The following MCF2L2 variants were observed in gnomAD, a reference collection of about 807,000 sequenced individuals.
MCF2L2 encodes MCF.2 cell line derived transforming sequence-like 2.
A neutral mutation model predicts 150.2 loss-of-function variants in MCF2L2; 102 were observed. The observed-to-expected ratio is 0.68, with a 90% CI of 0.58 to 0.80. The LOEUF (loss-of-function observed/expected upper bound fraction) is 0.80. Among genes scored for constraint, MCF2L2 ranks in the 30% least tolerant of loss-of-function variants. The pLI, the probability that MCF2L2 is intolerant of heterozygous loss-of-function variation, is 0.00. For missense variants in MCF2L2, 1,256 were observed against 1,372.8 expected (o/e 0.91, Z 1.34); for synonymous variants, 465 against 491.3 (o/e 0.95, Z 0.71).
chr3:183,396,490 T>C (rs2108606759), intron 1 of MCF2L2, among the ~76,000 whole-genome samples: 1 of 152,346 alleles, frequency 6.6e-6, no homozygotes, highest in South Asian at 2.1e-4. Flanking sequence ...AAGTTTGAAC[T>C]TGTTAAACAC....
At chr3:183,228,039 A>ACACACACACACACACACACG in intron 18 of MCF2L2, 1 of 445,324 alleles carries the variant, frequency 2.2e-6, no homozygotes, top group South Asian at 2.9e-5. Context: ...ACACACACAC[A>ACACACACACACACACACACG]CACACACAAT....
In MCF2L2 at chr3:183,229,716, G is replaced by A; in HGVS notation, c.1995C>T (p.Asn665=). 1.2e-6 allele frequency: 2 copies of A among 1,603,784 alleles called. No homozygotes were observed. Among genetic ancestry groups the A allele is most frequent in the Non-Finnish European group, 1.7e-6 (2 of 1,172,398 alleles). Residue 665 remains asparagine, a synonymous_variant, in exon 17 of 30, where the codon AAC becomes AAT. Transcript: ENST00000328913. ...TAATATTCCCAAAGAGAAAGTCCTT[G>A]TTATTCTGAAGAACATCTGGAATTA... ...KHLIPDVLQN[N]KDFLFGNIRE... is the part of the protein sequence containing the mutation.
Position 183,179,582 on chromosome 3 carries a change from C to T in MCF2L2, c.3216G>A (p.Glu1072=). Residue 1072 remains glutamate, a synonymous_variant, in exon 29 of 30, where the codon GAG becomes GAA. Transcript: ENST00000328913. The surrounding 1 kb of genome is among the most constrained non-coding windows in gnomAD (Gnocchi z 4.2). ...SQGEKEERDE[E]ETATRSTEEE... ...CTTTCCTCGCTCACACTCACGTTTC[C>T]TCCTCATCGCGTTCTTCTTTTTCTC... The T allele has an allele frequency of 6.2e-7, 1 of 1,614,098 alleles. No homozygotes were observed. The highest frequency in any genetic ancestry group is 8.5e-7 in the Non-Finnish European group (1 of 1,179,936).
intron 11 of MCF2L2, chr3:183,298,765 G>GCGCGCGCGCACACACACACACACCCA: frequency 7.2e-6 from 1 of 138,500 alleles, no homozygotes. Context: ...AAACACACAT[G>GCGCGCGCGCACACACACACACACCCA]CACACACACA....
intron 15 of MCF2L2, among the ~76,000 whole-genome samples, chr3:183,276,401 TA>T (rs1727156616): frequency 1.3e-5 from 2 of 152,222 alleles, no homozygotes; most frequent in Non-Finnish European, 2.9e-5. Flanking sequence ...TGAGTATAAA[TA>T]TTTTTTTAAA....
At chr3:183,404,713 A>G (rs904591482) in intron 1 of MCF2L2, among the ~76,000 whole-genome samples, 1 of 152,284 alleles carries the variant, frequency 6.6e-6, no homozygotes, top group Non-Finnish European at 1.5e-5. Context: ...ATACAAAAAA[A>G]TTAGCCGGGC....
intron 15 of MCF2L2, among the ~76,000 whole-genome samples, chr3:183,232,888 T>C (rs1336882298): frequency 1.3e-5 from 2 of 152,240 alleles, no homozygotes; most frequent in Non-Finnish European, 2.9e-5. Context: ...ATGTGTAAAT[T>C]TGTGCAAGCT....
chr3:183,336,135 C>A (rs1039756237), intron 5 of MCF2L2, among the ~76,000 whole-genome samples: 2 of 152,058 alleles, frequency 1.3e-5, no homozygotes, highest in Non-Finnish European at 2.9e-5. Context: ...GCGGCACGAA[C>A]AAACTAAGGT....
chr3:183,205,223 A>G (rs972981260), intron 25 of MCF2L2, among the ~76,000 whole-genome samples: 18 of 152,114 alleles, frequency 1.2e-4, no homozygotes, highest in African/African-American at 4.1e-4. Context: ...TACTACAAAC[A>G]CACAAATTAG....
intron 27 of MCF2L2, among the ~76,000 whole-genome samples, chr3:183,189,897 A>G (rs1721819306): frequency 6.6e-6 from 1 of 152,138 alleles, no homozygotes; most frequent in Non-Finnish European, 1.5e-5. Flanking sequence ...TGACTCATCT[A>G]CTGGCACTAG....
At chr3:183,366,590 G>A (rs1369452430) in intron 3 of MCF2L2, among the ~76,000 whole-genome samples, 1 of 152,068 alleles carries the variant, frequency 6.6e-6, no homozygotes, top group Non-Finnish European at 1.5e-5. Flanking sequence ...AGGCTGCAGT[G>A]AGCCGAGATC....
intron 1 of MCF2L2, among the ~76,000 whole-genome samples, chr3:183,415,042 G>C (rs1715516013): frequency 6.6e-6 from 1 of 152,138 alleles, no homozygotes; most frequent in Non-Finnish European, 1.5e-5. Flanking sequence ...TGCTGTTGTT[G>C]AATGGAGTAT....
At chr3:183,193,143 C>G in intron 26 of MCF2L2, 47 bp from the exon 27 acceptor site, 2 of 1,473,422 alleles carry the variant, frequency 1.4e-6, no homozygotes, top group Non-Finnish European at 1.9e-6. Context: ...AGGAATGACA[C>G]ACGCATCCCT....
intron 3 of MCF2L2, among the ~76,000 whole-genome samples, chr3:183,346,741 A>C (rs1415127838): frequency 6.6e-6 from 1 of 152,232 alleles, no homozygotes; most frequent in Non-Finnish European, 1.5e-5. Context: ...ATGTGCAAAA[A>C]TCATAAGCAT....
chr3:183,201,197 A>G (rs1722268338), intron 25 of MCF2L2, among the ~76,000 whole-genome samples: 1 of 152,212 alleles, frequency 6.6e-6, no homozygotes, highest in Admixed American at 6.5e-5. Context: ...ATGGCATTGA[A>G]TCTATAAATT....
Position 183,318,916 on chromosome 3 carries a change from C to T in MCF2L2, c.604-699G>A, listed in dbSNP as rs545769114. ...TTTTTGCTGCCGGAGGGTCTTGCCT[C>T]AATGTGGATGGCTGCTGACTGATCA... On this transcript the variant is annotated intron_variant, in intron 6 of 29. Transcript: ENST00000328913. Among the ~76,000 whole-genome samples the T allele has an allele frequency of 2.6e-5, 4 of 152,332 alleles. No individual in the cohort carries two copies. In the South Asian group the frequency reaches 8.3e-4, roughly 32 times the overall value.
At chr3:183,411,879 AC>A (rs1279470246) in intron 1 of MCF2L2, among the ~76,000 whole-genome samples, 1 of 152,172 alleles carries the variant, frequency 6.6e-6, no homozygotes, top group Admixed American at 6.5e-5. Flanking sequence ...AAACTTTGAG[AC>A]CCAGTTTTCT....
Position 183,389,651 on chromosome 3 carries a change from AC to A in MCF2L2, c.160+44del, listed in dbSNP as rs373935373. The A allele has an allele frequency of 1.5e-3, 2,286 of 1,510,220 alleles. 23 individuals are homozygous for A. The African/African-American group carries it at 0.028, about 19-fold the overall frequency. 93.6% of individuals were successfully genotyped at this position (1,510,220 alleles called of 1,614,324 possible). On this transcript the variant is annotated intron_variant, in intron 2 of 29. Coordinates refer to ENST00000328913, the MANE Select transcript of MCF2L2 (RefSeq NM_015078.4). Reference sequence around the variant, plus strand: ...CAAGAGGCTGGACCTTCCCATCAAGACCCCCCCATCAAAATCTGGAAATGCA... The same window carrying A: ...CAAGAGGCTGGACCTTCCCATCAAGACCCCCCATCAAAATCTGGAAATGCA...
chr3:183,280,418 G>GT lies in MCF2L2; in HGVS notation c.1777-3462dup, dbSNP rs145769230. 7.0e-3 allele frequency among the ~76,000 whole-genome samples: 1,034 copies of GT among 148,720 alleles called. 9 individuals are homozygous for GT. Among genetic ancestry groups the GT allele is most frequent in the African/African-American group, 0.013 (532 of 40,584 alleles). The stretch of plus-strand genomic sequence containing the variant: ...TGATTTTCAATCGATTATTGAAATT[G>GT]TTTTTTTTTTCTTCCCTAAAGGGGA... On this transcript the variant is annotated intron_variant, in intron 14 of 29. Coordinates refer to ENST00000328913, the MANE Select transcript of MCF2L2 (RefSeq NM_015078.4).
Sources: gnomAD v4.1 joint callset for allele counts (sites outside exome capture counted in the v4.1 genomes callset) on GRCh38, gnomAD v4.1.1 for gene constraint, Gnocchi (gnomAD v3.1) non-coding constraint, MANE v1.5 for transcripts, NCBI Gene and HGNC (gene_info 2026-07-23, HGNC 2026-07-21) for gene names.